ELN: variants seen among roughly 807,000 people sequenced by gnomAD.
ELN encodes the protein elastin.
In ELN, 65 loss-of-function variants were observed where a neutral mutation model predicts 105.8. The ratio of observed to expected loss-of-function variants is 0.61; its 90% CI spans 0.50 to 0.75. The LOEUF is 0.75. ELN is among the 30% of genes least tolerant of loss of function. The pLI is 0.00. For missense variants in ELN, 882 were observed against 969.4 expected (o/e 0.91, Z 1.20); for synonymous variants, 368 against 389.2 (o/e 0.95, Z 0.64).
In ELN at chr7:74,051,630, A is replaced by G. The variant is rs1387371952; in HGVS notation, c.800-120A>G. On this transcript the variant is annotated intron_variant, in intron 15 of 32. Transcript: ENST00000252034. ...TCCCCAGACAGGCCCATCTGGAGAC[A>G]CCCGGGCCCCATTCCTGGATAAGAT... The G allele has an allele frequency of 8.7e-6, 9 of 1,036,598 alleles. No homozygotes were observed. The Admixed American group carries it at 1.7e-4, about 19-fold the overall frequency. The allele number at this position is 1,036,598 out of a possible 1,614,324, so 64.2% of individuals were successfully genotyped here.
At chr7:74,037,545 G>A (rs1038584238) in intron 3 of ELN, among the ~76,000 whole-genome samples, 162 bp from the exon 4 acceptor site, 5 of 152,176 alleles carry the variant, frequency 3.3e-5, no homozygotes, top group Admixed American at 6.5e-5. Flanking sequence ...TATAAACCAC[G>A]AGTTAGAAGT....
chr7:74,056,789 G>A, intron 21 of ELN, 76 bp downstream of exon 21: 4 of 1,601,108 alleles, frequency 2.5e-6, no homozygotes, highest in Non-Finnish European at 3.4e-6. Flanking sequence ...GGGCAAACTG[G>A]CTCCCAGGCC....
At chr7:74,064,421 A>ATAT (rs1554687708) in intron 29 of ELN, among the ~76,000 whole-genome samples, 30 of 115,268 alleles carry the variant, frequency 2.6e-4, no homozygotes, top group Non-Finnish European at 4.2e-4. Flanking sequence ...TCTCAAAAAA[A>ATAT]AAATATATAT....
At chr7:74,054,037 G>T in intron 18 of ELN, among the ~76,000 whole-genome samples, 1 of 152,140 alleles carries the variant, frequency 6.6e-6, no homozygotes, top group East Asian at 1.9e-4. Flanking sequence ...TGGGTGGAAT[G>T]GTGGGCAAGC....
intron 8 of ELN, 160 bp from the exon 9 acceptor site, chr7:74,043,719 G>T: frequency 1.2e-6 from 1 of 838,960 alleles, no homozygotes. Flanking sequence ...GAAACTCGTG[G>T]GAGGAGGGTT....
intron 22 of ELN, 127 bp from the exon 23 acceptor site, chr7:74,059,759 G>A: frequency 2.6e-6 from 2 of 773,028 alleles, no homozygotes; most frequent in Non-Finnish European, 4.8e-6. Flanking sequence ...GCCCAGCAAG[G>A]GAAAGTAACT....
At chr7:74,060,704 A>ATACTCTGCAATTG in intron 25 of ELN, 1 of 1,378,408 alleles carries the variant, frequency 7.3e-7, no homozygotes, top group Non-Finnish European at 9.9e-7. Context: ...CCAATTGCAG[A>ATACTCTGCAATTG]GTATCTGCCT....
chr7:74,044,165 C>T (rs945183195), intron 9 of ELN, among the ~76,000 whole-genome samples: 4 of 152,062 alleles, frequency 2.6e-5, no homozygotes, highest in African/African-American at 7.2e-5. Flanking sequence ...TGCTTGAGCC[C>T]AGAAGGTCCA....
chr7:74,060,077 G>A, intron 23 of ELN, 30 bp downstream of exon 23: 2 of 1,614,108 alleles, frequency 1.2e-6, no homozygotes, highest in Non-Finnish European at 1.7e-6. Flanking sequence ...GAGCCTGAGG[G>A]GCCCCCGAAG....
rs1430497324 is a variant in ELN at position 74,046,127 on chromosome 7, G to A, written c.542-61G>A. On this transcript the variant is annotated intron_variant, in intron 10 of 32. Coordinates refer to ENST00000252034, the MANE Select transcript of ELN (RefSeq NM_000501.4). ...ATTCCTTGGGCCTCCTGGCCCCTTG[G>A]TGCTGTCTGGCCCAGTGTCCACAGT... 9.9e-6 allele frequency: 16 copies of A among 1,612,490 alleles called. 1 individual carries two copies. Among genetic ancestry groups the A allele is most frequent in the South Asian group, 9.9e-5 (9 of 91,050 alleles).
intron 21 of ELN, 103 bp from the exon 22 acceptor site, chr7:74,057,537 G>A (rs1554681026): frequency 1.2e-6 from 2 of 1,606,706 alleles, no homozygotes; most frequent in African/African-American, 1.3e-5. Context: ...AGTTGACCAA[G>A]GTCGACTGCA....
intron 31 of ELN, 124 bp from the exon 32 acceptor site, chr7:74,066,608 G>T (rs538721104): frequency 4.9e-5 from 37 of 758,358 alleles, no homozygotes; most frequent in East Asian, 8.5e-5. Flanking sequence ...ATTATATAGT[G>T]GGGGGGATGG....
chr7:74,068,830 G>T lies in ELN; in HGVS notation c.*130G>T. 1 of 1,217,884 alleles carries T rather than the reference G, an allele frequency of 8.2e-7. No homozygotes were observed. The allele number at this position is 1,217,884 out of a possible 1,614,324, so 75.4% of individuals were successfully genotyped here. A position where few individuals can be genotyped will look rare whatever the true frequency, so the allele number is the denominator to read the frequency against. Reference sequence around the variant, plus strand: ...CCCCAGGAGGGAACGGGCAGGCCGGGCGGCCTTGCAGATCCACAGGGCAAG... The same window carrying T: ...CCCCAGGAGGGAACGGGCAGGCCGGTCGGCCTTGCAGATCCACAGGGCAAG... On this transcript the variant is annotated 3_prime_UTR_variant, in exon 33 of 33. Coordinates refer to ENST00000252034, the MANE Select transcript of ELN (RefSeq NM_000501.4).
chr7:74,032,654 C>T lies in ELN; in HGVS notation c.83-2710C>T, dbSNP rs538409561. ...AATGCCACCATCATCAGGGTCTGAA[C>T]GGTGGGGGTGGAGAGTGGGGACAGA... On this transcript the variant is annotated intron_variant, in intron 1 of 32. Coordinates refer to ENST00000252034, the MANE Select transcript of ELN (RefSeq NM_000501.4). 1.0e-3 allele frequency among the ~76,000 whole-genome samples: 156 copies of T among 152,114 alleles called. 1 individual carries two copies. The highest frequency in any genetic ancestry group is 2.9e-3 in the Admixed American group (44 of 15,278).
chr7:74,067,731 C>A (rs1354453374), intron 32 of ELN, among the ~76,000 whole-genome samples: 2 of 150,168 alleles, frequency 1.3e-5, no homozygotes, highest in Admixed American at 6.6e-5. Flanking sequence ...CCACTGCACT[C>A]CAGCCTGGGC....
intron 15 of ELN, among the ~76,000 whole-genome samples, chr7:74,049,422 TCATC>T (rs1793384945): frequency 7.6e-6 from 1 of 130,800 alleles, no homozygotes; most frequent in African/African-American, 2.9e-5. Context: ...ATCCATCCCC[TCATC>T]CATCCATCCA....
chr7:74,034,803 G>C (rs1789536321), intron 1 of ELN, among the ~76,000 whole-genome samples: 1 of 152,124 alleles, frequency 6.6e-6, no homozygotes, highest in Non-Finnish European at 1.5e-5. Context: ...CTGATTTCAT[G>C]TCTTAAGATG....
At chr7:74,060,971 G>A in intron 25 of ELN, 130 bp from the exon 26 acceptor site, 2 of 1,127,546 alleles carry the variant, frequency 1.8e-6, no homozygotes, top group Non-Finnish European at 2.7e-6. Flanking sequence ...CTCTGTGCCT[G>A]TACAGCTTCA....
At chr7:74,051,631 C>G in intron 15 of ELN, 119 bp from the exon 16 acceptor site, 1 of 1,108,724 alleles carries the variant, frequency 9.0e-7, no homozygotes. Flanking sequence ...TCTGGAGACA[C>G]CCGGGCCCCA....
Sources: gnomAD v4.1 joint callset for allele counts (sites outside exome capture counted in the v4.1 genomes callset) on GRCh38, gnomAD v4.1.1 for gene constraint, MANE v1.5 for transcripts, NCBI Gene and HGNC (gene_info 2026-07-23, HGNC 2026-07-21) for gene names.